NUSAP1: variants seen among roughly 807,000 people sequenced by gnomAD.
NUSAP1 encodes the protein nucleolar and spindle associated protein 1.
Under a neutral mutation model 52.8 loss-of-function variants are expected in NUSAP1, and 32 were observed. The observed-to-expected ratio is 0.61, with a 90% CI of 0.46 to 0.81. The LOEUF (loss-of-function observed/expected upper bound fraction) is 0.81, where lower values mean the gene tolerates loss of function less well. Among genes scored for constraint, NUSAP1 ranks in the 40% least tolerant of loss-of-function variants. The pLI is 0.00. For synonymous variants in NUSAP1, 195 were observed against 183.1 expected (o/e 1.06, Z -0.52); for missense variants, 499 against 522.3 (o/e 0.96, Z 0.43).
intron 2 of NUSAP1, among the ~76,000 whole-genome samples, chr15:41,345,023 A>G (rs1469261277): frequency 6.6e-6 from 1 of 151,942 alleles, no homozygotes; most frequent in East Asian, 1.9e-4. Flanking sequence ...TTTTTTTGAG[A>G]CAGGGTCTCA....
rs2140898111 is a variant in NUSAP1, at chr15:41,380,490, G to A, written c.*304G>A. On this transcript the variant is annotated 3_prime_UTR_variant, in exon 11 of 11. Coordinates refer to ENST00000559596, the MANE Select transcript of NUSAP1 (RefSeq NM_016359.5). ...TCAAGTTCCCAAGTTCCCCCTGCTG[G>A]TTCTAATATTAACAGAACTGCAGTC... 1 of 233,482 alleles carries A rather than the reference G, an allele frequency of 4.3e-6. No homozygotes were observed. Among genetic ancestry groups the A allele is most frequent in the African/African-American group, 2.3e-5 (1 of 42,944 alleles). The allele number at this position is 233,482 out of a possible 1,614,324, so 14.5% of individuals were successfully genotyped here.
At chr15:41,355,780 C>T (rs2048944697) in intron 4 of NUSAP1, among the ~76,000 whole-genome samples, 1 of 151,666 alleles carries the variant, frequency 6.6e-6, no homozygotes, top group South Asian at 2.1e-4. Flanking sequence ...GGGTTCACAC[C>T]ATTCTCCTGC....
At chr15:41,337,655 G>T (rs1368890714) in intron 1 of NUSAP1, among the ~76,000 whole-genome samples, 1 of 152,078 alleles carries the variant, frequency 6.6e-6, no homozygotes, top group Non-Finnish European at 1.5e-5. Context: ...ATCTTACAAA[G>T]CTTGTGTTCC....
At position 41,365,545 on chromosome 15, in the gene NUSAP1, G is replaced by T. The variant is rs755745943; in HGVS notation, c.804G>T (p.Gly268=). ...PASQSTLGLK[G]SLKRSAISAA... Reference sequence around the variant, plus strand: ...GTCAGAGTACCTTGGGTCTGAAGGGGTCACTCAAGCGCTCTGCTATCTCTG... The same window carrying T: ...GTCAGAGTACCTTGGGTCTGAAGGGTTCACTCAAGCGCTCTGCTATCTCTG... Residue 268 remains glycine (G), a synonymous_variant, in exon 7 of 11, where the codon GGG becomes GGT. Transcript: ENST00000559596. 18 of 1,612,696 alleles carry T rather than the reference G, an allele frequency of 1.1e-5. No individual in the cohort carries two copies. The highest frequency in any genetic ancestry group is 1.2e-5 in the Non-Finnish European group (14 of 1,179,426).
Position 41,375,352 on chromosome 15 carries a change from T to C in NUSAP1, c.1007-360T>C, listed in dbSNP as rs1057178111. Among the ~76,000 whole-genome samples, 6 of 152,194 alleles carry C rather than the reference T, an allele frequency of 3.9e-5. No individual in the cohort carries two copies. The East Asian group carries it at 1.2e-3, about 29-fold the overall frequency. ...GCCACCACCCTGGCTAATTTTGTAT[T>C]TTTAGTAGAGATGGGGTTTCTCCGT... On this transcript the variant is annotated intron_variant, in intron 8 of 10. Transcript: ENST00000559596.
In NUSAP1 at chr15:41,371,650, CAAATT is replaced by C. The variant is rs759715052; in HGVS notation, c.976_980del (p.Leu326AspfsTer18). On this transcript the variant is annotated frameshift_variant, in exon 8 of 11. Transcript: ENST00000559596. LOFTEE classifies it high-confidence loss of function. ...AAGGCGAGGCTGTGCTTGGGACACACAAATTAAAGACCATCACGGGGAATTCTGCT... is the reference window on the plus strand; with the variant it reads ...AAGGCGAGGCTGTGCTTGGGACACACAAAGACCATCACGGGGAATTCTGCT... 7 of 1,586,738 alleles carry C rather than the reference CAAATT, an allele frequency of 4.4e-6. No homozygotes were observed. In the African/African-American group the frequency reaches 5.6e-5, roughly 13 times the overall value.
intron 2 of NUSAP1, among the ~76,000 whole-genome samples, chr15:41,348,518 C>A (rs937342660): frequency 1.3e-5 from 2 of 152,178 alleles, no homozygotes; most frequent in African/African-American, 4.8e-5. Context: ...CTGCACCTGG[C>A]CCAATTTCTG....
At chr15:41,360,793 C>CTTT (rs1180569684) in intron 6 of NUSAP1, among the ~76,000 whole-genome samples, 1,377 of 117,000 alleles carry the variant, frequency 0.012, 43 homozygotes, top group African/African-American at 0.042. Context: ...GTTTATCCAT[C>CTTT]TTTTTTTTTT....
chr15:41,346,181 T>C (rs777430268), intron 2 of NUSAP1, among the ~76,000 whole-genome samples: 4 of 152,088 alleles, frequency 2.6e-5, no homozygotes, highest in Non-Finnish European at 4.4e-5. Context: ...CCTCAAGTGA[T>C]GTGCCCACCT....
At chr15:41,334,775 T>C (rs1219758366) in intron 1 of NUSAP1, among the ~76,000 whole-genome samples, 1 of 152,072 alleles carries the variant, frequency 6.6e-6, no homozygotes, top group Non-Finnish European at 1.5e-5. Flanking sequence ...CTTGAACTCC[T>C]GGGCTCAAGC....
Position 41,332,982 on chromosome 15 carries a change from C to G in NUSAP1, c.25C>G (p.Leu9Val), listed in dbSNP as rs2047969686. The G allele has an allele frequency of 6.2e-7, 1 of 1,611,464 alleles. No homozygotes were observed. The highest frequency in any genetic ancestry group is 8.5e-7 in the Non-Finnish European group (1 of 1,178,796). Residue 9 changes from leucine (L) to valine (V), a missense_variant, in exon 1 of 11, where the codon CTG (leucine) becomes GTG (valine). Physicochemically the swap from Leu to Val is conservative, Grantham distance 32. Coordinates refer to ENST00000559596, the MANE Select transcript of NUSAP1 (RefSeq NM_016359.5). MIIPSLEELDSLKYSDLQN... is the reference protein window; with the variant it reads MIIPSLEEVDSLKYSDLQN... The stretch of plus-strand genomic sequence containing the variant: ...GATGATCATCCCCTCTCTAGAGGAG[C>G]TGGACTCCCTCAAGTACAGTGACCT...
chr15:41,358,216 AAAG>A lies in NUSAP1; in HGVS notation c.621_623del (p.Lys208del). On this transcript the variant is annotated inframe_deletion, in exon 6 of 11. Transcript: ENST00000559596. ...CCATTGATCAATATATTGAGAGAAAAAAGAAACATTTTGAAGAACACAATTCCA... is the reference window on the plus strand; with the variant it reads ...CCATTGATCAATATATTGAGAGAAAAAAACATTTTGAAGAACACAATTCCA... 6.3e-7 allele frequency: 1 copy of A among 1,574,886 alleles called. No individual in the cohort carries two copies. Among genetic ancestry groups the A allele is most frequent in the South Asian group, 1.1e-5 (1 of 88,360 alleles).
At chr15:41,335,302 T>C (rs980151523) in intron 1 of NUSAP1, among the ~76,000 whole-genome samples, 5 of 145,354 alleles carry the variant, frequency 3.4e-5, no homozygotes, top group African/African-American at 1.3e-4. Context: ...AAATATATAA[T>C]ATATATACTA....
chr15:41,368,793 C>T (rs539426102), intron 7 of NUSAP1, among the ~76,000 whole-genome samples: 34 of 130,946 alleles, frequency 2.6e-4, no homozygotes, highest in Non-Finnish European at 4.0e-4. Context: ...AGTGTGGTGG[C>T]GCAATCTCGG....
chr15:41,353,643 G>GA (rs1430129701), intron 4 of NUSAP1, among the ~76,000 whole-genome samples: 1 of 152,026 alleles, frequency 6.6e-6, no homozygotes, highest in Non-Finnish European at 1.5e-5. Context: ...TGAAAGAAAA[G>GA]AAAAAAATAA....
chr15:41,360,925 C>A lies in NUSAP1; in HGVS notation c.660+2667C>A, dbSNP rs552182826. On this transcript the variant is annotated intron_variant, in intron 6 of 10. Transcript: ENST00000559596. ...TCTTGCCAGCATGGCAAAACCCTGT[C>A]TCTACTAAAAATACAAAAATTACCT... Among the ~76,000 whole-genome samples, 400 of 151,444 alleles carry A rather than the reference C, an allele frequency of 2.6e-3. 1 individual carries two copies. Among genetic ancestry groups the A allele is most frequent in the African/African-American group, 9.2e-3 (379 of 41,332 alleles).
intron 7 of NUSAP1, among the ~76,000 whole-genome samples, chr15:41,367,293 G>A (rs760228777): frequency 1.3e-5 from 2 of 152,198 alleles, no homozygotes; most frequent in Non-Finnish European, 2.9e-5. Flanking sequence ...CAGCATCAGA[G>A]TATGTCAGCT....
At chr15:41,341,725 A>T (rs34134904) in intron 1 of NUSAP1, among the ~76,000 whole-genome samples, 6,154 of 152,320 alleles carry the variant, frequency 0.04, 228 homozygotes, top group Non-Finnish European at 0.059. Flanking sequence ...CATCAAATGC[A>T]TCTTGCACAT....
At chr15:41,354,116 C>T (rs575298770) in intron 4 of NUSAP1, among the ~76,000 whole-genome samples, 1 of 152,286 alleles carries the variant, frequency 6.6e-6, no homozygotes, top group African/African-American at 2.4e-5. Context: ...TGGCACATGC[C>T]TGTAGTCCCA....
Sources: allele counts gnomAD v4.1 joint callset (sites outside exome capture counted in the v4.1 genomes callset), GRCh38; gene constraint gnomAD v4.1.1; transcripts MANE v1.5; gene names NCBI Gene and HGNC (gene_info 2026-07-23, HGNC 2026-07-21).